Variants in RBFOX1 observed in about 807,000 individuals in gnomAD.
RBFOX1 encodes the protein RNA binding protein fox-1 homolog 1.
Under a neutral mutation model 57.7 loss-of-function variants are expected in RBFOX1, and 8 were observed. The ratio of observed to expected loss-of-function variants is 0.14; its 90% CI spans 0.08 to 0.25. RBFOX1 has a LOEUF of 0.25. Ranked by LOEUF, RBFOX1 falls within the 10% of genes least tolerant of loss-of-function variation. RBFOX1 has a pLI of 1.00. For synonymous variants in RBFOX1, 326 were observed against 222.4 expected (o/e 1.47, Z -4.15); for missense variants, 611 against 548.5 (o/e 1.11, Z -1.14).
intron 1 of RBFOX1, among the ~76,000 whole-genome samples, chr16:6,134,100 C>A (rs765992861): frequency 1.2e-4 from 18 of 151,976 alleles, no homozygotes; most frequent in Non-Finnish European, 2.5e-4. Context: ...CCATGCCCAG[C>A]TAAGTTTTGT....
chr16:5,709,043 C>T (rs757232585), intron 3 of RBFOX1, among the ~76,000 whole-genome samples: 6 of 152,264 alleles, frequency 3.9e-5, no homozygotes, highest in African/African-American at 7.2e-5. Flanking sequence ...CTCAGGATTT[C>T]GATATTCAAC....
At chr16:6,843,373 A>G (rs1005226578) in intron 3 of RBFOX1, among the ~76,000 whole-genome samples, 2 of 152,114 alleles carry the variant, frequency 1.3e-5, no homozygotes, top group African/African-American at 4.8e-5. Context: ...TACTTTTTGT[A>G]TAGCCCAATC....
At chr16:7,241,432 A>C (rs2094053150) in intron 4 of RBFOX1, among the ~76,000 whole-genome samples, 1 of 152,284 alleles carries the variant, frequency 6.6e-6, no homozygotes, top group South Asian at 2.1e-4. Flanking sequence ...TCCAACGTCT[A>C]AGTGTGGTTG....
chr16:7,595,051 G>T (rs926354959), intron 7 of RBFOX1, among the ~76,000 whole-genome samples: 10 of 152,160 alleles, frequency 6.6e-5, no homozygotes, highest in African/African-American at 2.4e-4. Context: ...CCCTAAAACT[G>T]CATGAAGAAG....
At chr16:7,436,153 A>G (rs1262977427) in intron 4 of RBFOX1, among the ~76,000 whole-genome samples, 1 of 152,214 alleles carries the variant, frequency 6.6e-6, no homozygotes, top group East Asian at 1.9e-4. Context: ...TCCAGTTCTC[A>G]CATTCCTCTC....
At chr16:6,917,902 TG>T (rs1348106765) in intron 3 of RBFOX1, among the ~76,000 whole-genome samples, 1 of 152,118 alleles carries the variant, frequency 6.6e-6, no homozygotes, top group African/African-American at 2.4e-5. Flanking sequence ...AGAGGGACAA[TG>T]GAGACCTGGG....
chr16:7,131,151 C>A (rs1314364114), intron 4 of RBFOX1, among the ~76,000 whole-genome samples: 2 of 152,016 alleles, frequency 1.3e-5, no homozygotes, highest in East Asian at 1.9e-4. Context: ...TCGAAACAAG[C>A]CTGGTCAACA....
chr16:6,797,333 G>A (rs766232771), intron 3 of RBFOX1, among the ~76,000 whole-genome samples: 1 of 152,148 alleles, frequency 6.6e-6, no homozygotes, highest in Admixed American at 6.5e-5. Flanking sequence ...ATGAATGTGG[G>A]CAAAGGTGAA....
chr16:6,143,907 C>G (rs749175249), intron 1 of RBFOX1, among the ~76,000 whole-genome samples: 1 of 151,518 alleles, frequency 6.6e-6, no homozygotes, highest in Non-Finnish European at 1.5e-5. Flanking sequence ...GCGATCTTCC[C>G]ACATCAGTGT....
rs186183670 is a variant in RBFOX1, at chr16:6,966,843, C to G, written c.-15-85214C>G. Reference sequence around the variant, plus strand: ...TCTATCTATCTGTCTATCTATCTATCCATCCATCTATCCACACATCCATCT... The same window carrying G: ...TCTATCTATCTGTCTATCTATCTATGCATCCATCTATCCACACATCCATCT... On this transcript the variant is annotated intron_variant, in intron 3 of 15. Transcript: ENST00000550418. 1.4e-3 allele frequency among the ~76,000 whole-genome samples: 217 copies of G among 151,508 alleles called. 3 individuals carry two copies. The highest frequency in any genetic ancestry group is 5.0e-3 in the African/African-American group (205 of 41,408).
chr16:7,515,400 A>G (rs2076141161), intron 4 of RBFOX1, among the ~76,000 whole-genome samples: 1 of 151,844 alleles, frequency 6.6e-6, no homozygotes, highest in Non-Finnish European at 1.5e-5. Context: ...GCATGGAAAC[A>G]AGAGTTAAAA....
chr16:5,381,166 C>G (rs973479996), intron 1 of RBFOX1, among the ~76,000 whole-genome samples: 12 of 152,084 alleles, frequency 7.9e-5, no homozygotes, highest in Non-Finnish European at 1.8e-4. Context: ...GGTCCTGGCT[C>G]TTTGTATTTG....
chr16:5,689,197 C>T (rs2050594435), intron 3 of RBFOX1, among the ~76,000 whole-genome samples: 1 of 152,120 alleles, frequency 6.6e-6, no homozygotes, highest in South Asian at 2.1e-4. Context: ...AGGTGGTGCT[C>T]AGTATGGCAC....
At chr16:6,298,314 C>T (rs1025447192) in intron 1 of RBFOX1, among the ~76,000 whole-genome samples, 1 of 152,098 alleles carries the variant, frequency 6.6e-6, no homozygotes, top group Non-Finnish European at 1.5e-5. Flanking sequence ...CCATAGACAC[C>T]CTGGCTTGTT....
intron 2 of RBFOX1, among the ~76,000 whole-genome samples, chr16:6,413,530 CTG>C (rs1456839219): frequency 6.6e-6 from 1 of 152,100 alleles, no homozygotes; most frequent in African/African-American, 2.4e-5. Flanking sequence ...TTGCAAATGA[CTG>C]TTTGCCATAT....
chr16:7,297,961 G>A (rs1025398108), intron 4 of RBFOX1, among the ~76,000 whole-genome samples: 1 of 151,982 alleles, frequency 6.6e-6, no homozygotes, highest in South Asian at 2.1e-4. Context: ...ACATACTTCT[G>A]TGGATGTCTA....
chr16:7,189,384 C>T (rs937092167), intron 4 of RBFOX1, among the ~76,000 whole-genome samples: 8 of 145,004 alleles, frequency 5.5e-5, no homozygotes, highest in African/African-American at 2.1e-4. Context: ...TGAGATCGCG[C>T]CACTGCACTC....
At chr16:7,057,770 G>T (rs368308012) in intron 4 of RBFOX1, among the ~76,000 whole-genome samples, 1 of 152,142 alleles carries the variant, frequency 6.6e-6, no homozygotes, top group Non-Finnish European at 1.5e-5. Flanking sequence ...CACTTTGGGA[G>T]GCCAAGGTGG....
chr16:7,551,088 C>CAAAAAAAAAAA (rs539169022), intron 5 of RBFOX1, among the ~76,000 whole-genome samples: 1 of 76,720 alleles, frequency 1.3e-5, no homozygotes, highest in Admixed American at 1.6e-4. Flanking sequence ...GAGCGAGACT[C>CAAAAAAAAAAA]AAAAAAAAAA....
Sources: allele counts gnomAD v4.1 joint callset (sites outside exome capture counted in the v4.1 genomes callset), GRCh38; gene constraint gnomAD v4.1.1; transcripts MANE v1.5; gene names NCBI Gene and HGNC (gene_info 2026-07-23, HGNC 2026-07-21).